Variants in GMDS observed in about 807,000 individuals in gnomAD.
GMDS encodes GDP-mannose 4,6-dehydratase.
Under a neutral mutation model 49.9 loss-of-function variants are expected in GMDS, and 20 were observed. The ratio of observed to expected loss-of-function variants is 0.40; its 90% CI spans 0.28 to 0.58. The LOEUF (loss-of-function observed/expected upper bound fraction) is 0.58. Ranked by LOEUF, GMDS falls within the 20% of genes least tolerant of loss-of-function variation. GMDS has a pLI of 0.42. For missense variants in GMDS, 362 were observed against 481.4 expected (o/e 0.75, Z 2.32); for synonymous variants, 177 against 178.6 (o/e 0.99, Z 0.07).
chr6:2,165,627 A>G (rs1021310077), intron 1 of GMDS, among the ~76,000 whole-genome samples: 5 of 152,268 alleles, frequency 3.3e-5, no homozygotes, highest in Non-Finnish European at 7.3e-5. Flanking sequence ...CACACAAAAT[A>G]ACCATCACAT....
rs1274979620 is a variant in GMDS, at chr6:1,766,222, AAGG to A, written c.772-23639_772-23637del. ...TAATTTTTGTGTGTGGCACAGAAGC[AAGG>A]AGAAGTTAGCTAATTTAAGCTGATG... On this transcript the variant is annotated intron_variant, in intron 7 of 10. Coordinates refer to ENST00000380815, the MANE Select transcript of GMDS (RefSeq NM_001500.4). This position sits in a 1 kb window ranked among gnomAD's most constrained non-coding sequence, Gnocchi z 4.5. Among the ~76,000 whole-genome samples, 4 of 152,168 alleles carry A rather than the reference AAGG, an allele frequency of 2.6e-5. No individual in the cohort carries two copies. The highest frequency in any genetic ancestry group is 5.9e-5 in the Non-Finnish European group (4 of 68,042).
At chr6:1,963,246 G>A (rs1396984924) in intron 4 of GMDS, among the ~76,000 whole-genome samples, 1 of 151,904 alleles carries the variant, frequency 6.6e-6, no homozygotes, top group African/African-American at 2.4e-5. Context: ...GCTATTCACA[G>A]GCATAATCAT....
intron 9 of GMDS, among the ~76,000 whole-genome samples, chr6:1,670,687 G>A (rs184549146): frequency 6.6e-6 from 1 of 152,180 alleles, no homozygotes; most frequent in South Asian, 2.1e-4. Context: ...TCTTCCTAAG[G>A]TAATAGTTCA....
intron 6 of GMDS, among the ~76,000 whole-genome samples, chr6:1,938,551 C>T (rs542712090): frequency 6.6e-6 from 1 of 152,076 alleles, no homozygotes; most frequent in Non-Finnish European, 1.5e-5. Context: ...ATTGTCATTC[C>T]TTTGTAGGTA....
chr6:1,626,598 T>C (rs1377928395), intron 9 of GMDS, among the ~76,000 whole-genome samples: 3 of 152,176 alleles, frequency 2.0e-5, no homozygotes, highest in Non-Finnish European at 4.4e-5. Flanking sequence ...CCTCTCTCAA[T>C]CCTATAGCGG....
chr6:1,804,966 T>C (rs148122797), intron 7 of GMDS, among the ~76,000 whole-genome samples: 139 of 152,346 alleles, frequency 9.1e-4, no homozygotes, highest in African/African-American at 3.2e-3. Context: ...AAGTATCCTG[T>C]AGCCAACCTT....
intron 5 of GMDS, among the ~76,000 whole-genome samples, 189 bp downstream of exon 5, chr6:1,960,585 T>C (rs941611837): frequency 1.3e-5 from 2 of 152,168 alleles, no homozygotes; most frequent in Non-Finnish European, 2.9e-5. Context: ...TGGCAGCAAA[T>C]ACTTGTAGTT....
chr6:2,010,592 CAA>C (rs1351826700), intron 4 of GMDS, among the ~76,000 whole-genome samples: 14 of 152,002 alleles, frequency 9.2e-5, no homozygotes, highest in African/African-American at 3.4e-4. Flanking sequence ...CTGACACAAA[CAA>C]GAGCTGAAAA....
At chr6:1,721,502 G>A (rs1297434462) in intron 9 of GMDS, among the ~76,000 whole-genome samples, 1 of 152,124 alleles carries the variant, frequency 6.6e-6, no homozygotes, top group Non-Finnish European at 1.5e-5. Flanking sequence ...ACATCAGCTA[G>A]TAGAGTTTAA....
rs976279356 is a variant in GMDS at position 1,706,805 on chromosome 6, T to G, written c.987+19611A>C. 5.3e-5 allele frequency among the ~76,000 whole-genome samples: 8 copies of G among 152,322 alleles called. No individual in the cohort carries two copies. The East Asian group carries it at 1.4e-3, about 26-fold the overall frequency. On this transcript the variant is annotated intron_variant, in intron 9 of 10. Transcript: ENST00000380815. ...CCCAGACACTTCCCTGAGCTACTAC[T>G]CCATAGTCTGAATGGACACGGACTT...
chr6:2,052,639 G>GA (rs1770487015), intron 4 of GMDS, among the ~76,000 whole-genome samples: 1 of 152,182 alleles, frequency 6.6e-6, no homozygotes, highest in African/African-American at 2.4e-5. Context: ...AGGTGGTCAG[G>GA]AAACACATGG....
chr6:1,800,877 GA>G (rs2113657527), intron 7 of GMDS, among the ~76,000 whole-genome samples: 1 of 152,334 alleles, frequency 6.6e-6, no homozygotes, highest in East Asian at 1.9e-4. Flanking sequence ...GGACCTCCAA[GA>G]ATGGAGTCAC....
chr6:1,854,324 T>C (rs1391661261), intron 7 of GMDS, among the ~76,000 whole-genome samples: 1 of 152,162 alleles, frequency 6.6e-6, no homozygotes, highest in Non-Finnish European at 1.5e-5. Context: ...AGGGCAAAAA[T>C]ACCACATACC....
At chr6:2,242,892 G>A (rs1186421876) in intron 1 of GMDS, among the ~76,000 whole-genome samples, 2 of 152,170 alleles carry the variant, frequency 1.3e-5, no homozygotes, top group African/African-American at 4.8e-5. Flanking sequence ...ATAAGGTATG[G>A]ATTTTCAGAC....
At chr6:2,030,625 A>G (rs1768894416) in intron 4 of GMDS, among the ~76,000 whole-genome samples, 1 of 152,208 alleles carries the variant, frequency 6.6e-6, no homozygotes, top group Non-Finnish European at 1.5e-5. Flanking sequence ...AGAAGAATTT[A>G]TAAGACTCAC....
intron 7 of GMDS, among the ~76,000 whole-genome samples, chr6:1,853,654 TTAG>T (rs1241965642): frequency 6.6e-6 from 1 of 152,120 alleles, no homozygotes; most frequent in Non-Finnish European, 1.5e-5. Flanking sequence ...ATGTGGGCTG[TTAG>T]TAGCCACAGA....
rs73412595 is a variant in GMDS, at chr6:2,083,313, C to T, written c.345+32458G>A. On this transcript the variant is annotated intron_variant, in intron 4 of 10. Transcript: ENST00000380815. ...CCTGGATGGAGCCCAGACCATCCAA[C>T]AACAGCAAATCTTCCATCTAATCCA... 7.6e-3 allele frequency among the ~76,000 whole-genome samples: 1,153 copies of T among 152,282 alleles called. 12 individuals are homozygous for T. The highest frequency in any genetic ancestry group is 0.025 in the African/African-American group (1,038 of 41,558).
At chr6:1,882,967 TC>T (rs1759432088) in intron 7 of GMDS, among the ~76,000 whole-genome samples, 1 of 152,196 alleles carries the variant, frequency 6.6e-6, no homozygotes, top group South Asian at 2.1e-4. Flanking sequence ...GCTTGGTTCC[TC>T]ATAGGAACTC....
intron 6 of GMDS, among the ~76,000 whole-genome samples, chr6:1,943,517 G>A (rs924802678): frequency 6.6e-6 from 1 of 152,206 alleles, no homozygotes; most frequent in Non-Finnish European, 1.5e-5. Context: ...AGAGGGAGGG[G>A]AGCAGGGCTA....
Sources: allele counts gnomAD v4.1 joint callset (sites outside exome capture counted in the v4.1 genomes callset), GRCh38; gene constraint gnomAD v4.1.1; non-coding constraint Gnocchi (gnomAD v3.1); transcripts MANE v1.5; gene names NCBI Gene and HGNC (gene_info 2026-07-23, HGNC 2026-07-21).